Variants in ROBO2 observed in about 807,000 individuals in gnomAD.
The protein encoded by ROBO2 is roundabout homolog 2.
ROBO2 carries 53 observed loss-of-function variants against 160.8 expected under a neutral mutation model. That is an observed-to-expected ratio of 0.33 (90% CI 0.26 to 0.41). The LOEUF (loss-of-function observed/expected upper bound fraction) is 0.41, where lower values mean the gene tolerates loss of function less well. ROBO2 is among the 10% of genes least tolerant of loss of function. The pLI, the probability that ROBO2 is intolerant of heterozygous loss-of-function variation, is 1.00. For missense variants in ROBO2, 1,577 were observed against 1,722.4 expected (o/e 0.92, Z 1.49); for synonymous variants, 664 against 611.7 (o/e 1.09, Z -1.26).
intron 2 of ROBO2, among the ~76,000 whole-genome samples, chr3:76,328,848 G>T (rs1000853645): frequency 6.6e-6 from 1 of 150,776 alleles, no homozygotes; most frequent in African/African-American, 2.4e-5. Flanking sequence ...GACAGAGCGA[G>T]ACTCCGTCTC....
chr3:77,257,333 G>C (rs1455992954), intron 2 of ROBO2, among the ~76,000 whole-genome samples: 1 of 152,156 alleles, frequency 6.6e-6, no homozygotes, highest in East Asian at 1.9e-4. Context: ...CCCAGTGAGT[G>C]CTTTTTATGG....
chr3:77,629,019 G>A (rs1264572894), intron 23 of ROBO2: 2 of 152,132 alleles, frequency 1.3e-5, no homozygotes, highest in Non-Finnish European at 2.9e-5. Flanking sequence ...TCTTCCCAGA[G>A]GGAGACAAAA....
At chr3:76,807,622 G>C (rs1440930425) in intron 2 of ROBO2, among the ~76,000 whole-genome samples, 1 of 151,954 alleles carries the variant, frequency 6.6e-6, no homozygotes, top group East Asian at 1.9e-4. Context: ...AGTTCTTTGT[G>C]TGTTTATAGT....
chr3:76,724,418 G>A (rs148690227), intron 2 of ROBO2, among the ~76,000 whole-genome samples: 59 of 152,220 alleles, frequency 3.9e-4, no homozygotes, highest in African/African-American at 1.2e-3. Context: ...AACTATTTCC[G>A]CAAGTCTTCA....
intron 2 of ROBO2, among the ~76,000 whole-genome samples, chr3:76,062,379 T>C (rs1447228149): frequency 2.0e-5 from 3 of 152,174 alleles, no homozygotes; most frequent in Non-Finnish European, 4.4e-5. Flanking sequence ...GCTGTCCGAC[T>C]ACTTCACTAA....
intron 13 of ROBO2, among the ~76,000 whole-genome samples, chr3:77,569,174 A>G (rs765186523): frequency 6.6e-6 from 1 of 152,038 alleles, no homozygotes; most frequent in Non-Finnish European, 1.5e-5. Context: ...ATAAACCTAC[A>G]AATTGTTCAG....
intron 2 of ROBO2, among the ~76,000 whole-genome samples, chr3:76,831,738 A>G (rs2067115240): frequency 6.6e-6 from 1 of 152,204 alleles, no homozygotes; most frequent in African/African-American, 2.4e-5. Flanking sequence ...TGAGTTGTAT[A>G]CTTAATAGAA....
intron 2 of ROBO2, among the ~76,000 whole-genome samples, chr3:76,489,134 G>A (rs566917131): frequency 9.0e-4 from 128 of 141,658 alleles, no homozygotes; most frequent in African/African-American, 3.0e-3. Flanking sequence ...TTAGAACACT[G>A]GTACTGACTT....
intron 24 of ROBO2, among the ~76,000 whole-genome samples, chr3:77,639,679 T>A (rs2095318980): frequency 6.6e-6 from 1 of 152,072 alleles, no homozygotes; most frequent in African/African-American, 2.4e-5. Flanking sequence ...CAAGGGCTAG[T>A]GTTTGTGAGA....
At chr3:77,227,278 G>A (rs999769260) in intron 2 of ROBO2, among the ~76,000 whole-genome samples, 1 of 152,034 alleles carries the variant, frequency 6.6e-6, no homozygotes, top group African/African-American at 2.4e-5. Context: ...TAAAACATAT[G>A]TCTTTAAAAT....
intron 2 of ROBO2, among the ~76,000 whole-genome samples, chr3:76,341,419 TAAAAAAAAA>T (rs71277587): frequency 2.3e-5 from 1 of 44,254 alleles, no homozygotes; most frequent in South Asian, 6.7e-4. Context: ...TTTTAAAGCG[TAAAAAAAAA>T]AAAAAAAAAA....
chr3:76,088,745 G>A (rs952479152), intron 2 of ROBO2, among the ~76,000 whole-genome samples: 4 of 152,056 alleles, frequency 2.6e-5, no homozygotes, highest in Middle Eastern at 3.4e-3. Flanking sequence ...TTACAGCATC[G>A]AATGAATGTG....
chr3:77,323,003 T>TTA, intron 2 of ROBO2, among the ~76,000 whole-genome samples: 1 of 110,142 alleles, frequency 9.1e-6, no homozygotes, highest in Non-Finnish European at 2.0e-5. Context: ...TAATATATTA[T>TTA]ATTATATTAT....
chr3:77,309,430 GA>G (rs2063360954), intron 2 of ROBO2, among the ~76,000 whole-genome samples: 1 of 152,204 alleles, frequency 6.6e-6, no homozygotes, highest in African/African-American at 2.4e-5. Context: ...TGGAGGGACT[GA>G]AGAGAACTTC....
chr3:76,119,747 C>T lies in ROBO2; in HGVS notation c.109+182145C>T, dbSNP rs75662845. 7.3e-3 allele frequency among the ~76,000 whole-genome samples: 1,106 copies of T among 152,154 alleles called. 10 individuals are homozygous for T. The highest frequency in any genetic ancestry group is 0.026 in the African/African-American group (1,074 of 41,518). ...GAACCTACTTTATTTTACGCACATA[C>T]ACTCTGAGAATCTTGAGCAGGTCTC... On this transcript the variant is annotated intron_variant, in intron 2 of 26. Coordinates refer to the ROBO2 transcript ENST00000487694.
intron 2 of ROBO2, among the ~76,000 whole-genome samples, chr3:76,155,016 T>A (rs1178682758): frequency 6.6e-6 from 1 of 152,108 alleles, no homozygotes; most frequent in Non-Finnish European, 1.5e-5. Context: ...ATATTAAAGA[T>A]ATCCGAAAAA....
chr3:76,133,309 G>C (rs1426447869), intron 2 of ROBO2, among the ~76,000 whole-genome samples: 1 of 151,926 alleles, frequency 6.6e-6, no homozygotes, highest in African/African-American at 2.4e-5. Flanking sequence ...GACACTCAAA[G>C]TATTGTGAAA....
chr3:76,969,499 A>G (rs1360658526), intron 2 of ROBO2, among the ~76,000 whole-genome samples: 7 of 152,304 alleles, frequency 4.6e-5, no homozygotes, highest in Non-Finnish European at 1.0e-4. Flanking sequence ...AAAGAGCCAC[A>G]AAACCCAAGA....
intron 2 of ROBO2, among the ~76,000 whole-genome samples, chr3:76,520,145 C>T (rs1211230324): frequency 1.3e-5 from 2 of 152,104 alleles, no homozygotes; most frequent in African/African-American, 2.4e-5. Context: ...ATCATTGGTC[C>T]TCATCGCATC....
Sources: gnomAD v4.1 joint callset for allele counts (sites outside exome capture counted in the v4.1 genomes callset) on GRCh38, gnomAD v4.1.1 for gene constraint, MANE v1.5 for transcripts, NCBI Gene and HGNC (gene_info 2026-07-23, HGNC 2026-07-21) for gene names.